NEGR1: variants seen among roughly 807,000 people sequenced by gnomAD.
The protein encoded by NEGR1 is neuronal growth regulator 1, also known as IgLON family member 4.
In NEGR1, 10 loss-of-function variants were observed where a neutral mutation model predicts 40.9. That is an observed-to-expected ratio of 0.24 (90% confidence interval 0.15 to 0.42). NEGR1 has a LOEUF of 0.42. Ranked by LOEUF, NEGR1 falls within the 10% of genes least tolerant of loss-of-function variation. The probability of loss-of-function intolerance (pLI) is 1.00; values close to 1 mark genes in which losing one functional copy is unlikely to be tolerated. For synonymous variants in NEGR1, 185 were observed against 166.8 expected, an observed-to-expected ratio of 1.11 and a Z score of -0.84; for missense variants, 352 against 438.9, an observed-to-expected ratio of 0.80 and a Z score of 1.77.
At chr1:71,532,324 T>C (rs1647381130) in intron 6 of NEGR1, among the ~76,000 whole-genome samples, 2 of 151,550 alleles carry the variant, frequency 1.3e-5, no homozygotes, top group Admixed American at 1.3e-4. Context: ...GTGGCTGAAT[T>C]AGGAACAATC....
At chr1:71,557,616 T>C (rs1570028305) in intron 6 of NEGR1, among the ~76,000 whole-genome samples, 3 of 151,722 alleles carry the variant, frequency 2.0e-5, no homozygotes, top group South Asian at 2.1e-4. Flanking sequence ...TTTAGACTTA[T>C]GGAGAAACTG....
intron 1 of NEGR1, among the ~76,000 whole-genome samples, chr1:72,135,424 A>C (rs1387424167): frequency 9.3e-4 from 2 of 2,154 alleles, no homozygotes; most frequent in Non-Finnish European, 6.4e-3. Flanking sequence ...AACAAAACCA[A>C]AAAAAAAAAA....
chr1:71,996,339 T>A (rs1646504585), intron 1 of NEGR1, among the ~76,000 whole-genome samples: 1 of 152,162 alleles, frequency 6.6e-6, no homozygotes, highest in African/African-American at 2.4e-5. Flanking sequence ...CAAGTTAGGA[T>A]CATATGCTAC....
intron 6 of NEGR1, among the ~76,000 whole-genome samples, chr1:71,549,780 T>A (rs1648016822): frequency 6.6e-6 from 1 of 151,632 alleles, no homozygotes; most frequent in Admixed American, 6.6e-5. Flanking sequence ...TTTCATGGAT[T>A]CTTTCAAATA....
At chr1:71,475,701 A>C (rs1569919428) in intron 6 of NEGR1, among the ~76,000 whole-genome samples, 1 of 152,152 alleles carries the variant, frequency 6.6e-6, no homozygotes, top group South Asian at 2.1e-4. Context: ...ATTCCTAAGA[A>C]GGTCGTTAGG....
At chr1:72,078,361 C>T (rs115016600) in intron 1 of NEGR1, among the ~76,000 whole-genome samples, 3,774 of 152,038 alleles carry the variant, frequency 0.025, 151 homozygotes, top group African/African-American at 0.086. Flanking sequence ...AACCTTTTAC[C>T]TTTGAGCTAA....
intron 1 of NEGR1, among the ~76,000 whole-genome samples, chr1:72,095,524 C>G (rs1281642841): frequency 6.6e-6 from 1 of 152,060 alleles, no homozygotes; most frequent in East Asian, 1.9e-4. Flanking sequence ...GTCCTCTACT[C>G]CTTGTTATAA....
intron 2 of NEGR1, among the ~76,000 whole-genome samples, chr1:71,873,251 T>C (rs928796617): frequency 6.6e-6 from 1 of 151,454 alleles, no homozygotes; most frequent in Non-Finnish European, 1.5e-5. Context: ...TTGGAAAACA[T>C]ATGTAAATAT....
rs535389849 is a variant in NEGR1, at chr1:71,750,017, C to T, written c.535+26155G>A. Reference sequence around the variant, plus strand: ...TTTTTTTTTTTTTGAGACGGAGTCTCGCTCTGTCGCCCAGGCCGGACTGCG... The same window carrying T: ...TTTTTTTTTTTTTGAGACGGAGTCTTGCTCTGTCGCCCAGGCCGGACTGCG... On this transcript the variant is annotated intron_variant, in intron 3 of 6. Coordinates refer to ENST00000357731, the MANE Select transcript of NEGR1 (RefSeq NM_173808.3). Among the ~76,000 whole-genome samples, 403 of 124,572 alleles carry T rather than the reference C, an allele frequency of 3.2e-3. 3 individuals are homozygous for T. The highest frequency in any genetic ancestry group is 0.021 in the Admixed American group (272 of 12,976). The allele number at this position is 124,572 out of a possible 152,430, so 81.7% of individuals were successfully genotyped here. A position where few individuals can be genotyped will look rare whatever the true frequency, so the allele number is the denominator to read the frequency against.
intron 4 of NEGR1, among the ~76,000 whole-genome samples, chr1:71,633,828 A>C (rs1057221872): frequency 2.6e-5 from 4 of 152,046 alleles, no homozygotes; most frequent in African/African-American, 9.7e-5. Context: ...AGTTGTACAA[A>C]AGCACGCAGC....
intron 1 of NEGR1, among the ~76,000 whole-genome samples, chr1:72,177,431 C>CA (rs1223320388): frequency 1.3e-5 from 2 of 151,948 alleles, no homozygotes; most frequent in Non-Finnish European, 2.9e-5. Flanking sequence ...TATTACTGAA[C>CA]ATTTATTTCA....
intron 6 of NEGR1, among the ~76,000 whole-genome samples, chr1:71,576,056 T>G (rs1203562226): frequency 6.6e-6 from 1 of 152,104 alleles, no homozygotes; most frequent in Non-Finnish European, 1.5e-5. Flanking sequence ...TCATGGAGCA[T>G]AGTGTCCAAG....
At chr1:72,008,349 A>G (rs1646627310) in intron 1 of NEGR1, among the ~76,000 whole-genome samples, 1 of 152,146 alleles carries the variant, frequency 6.6e-6, no homozygotes, top group African/African-American at 2.4e-5. Flanking sequence ...AGGTTTTTCT[A>G]TCTAATAAAA....
intron 6 of NEGR1, among the ~76,000 whole-genome samples, chr1:71,425,744 G>A (rs928080076): frequency 1.3e-5 from 2 of 152,020 alleles, no homozygotes; most frequent in African/African-American, 4.8e-5. Flanking sequence ...TAACTCTTTT[G>A]TGGTCAAATA....
chr1:71,679,571 T>C (rs190150166), intron 4 of NEGR1, among the ~76,000 whole-genome samples: 77 of 152,216 alleles, frequency 5.1e-4, no homozygotes, highest in African/African-American at 1.8e-3. Context: ...TTTTTTTTGG[T>C]TTTACAGTAC....
intron 3 of NEGR1, among the ~76,000 whole-genome samples, chr1:71,723,568 C>T (rs1326835192): frequency 2.0e-5 from 3 of 152,082 alleles, no homozygotes. Context: ...ATCCACATGC[C>T]AGGACTGTGG....
At chr1:71,956,499 A>G (rs1646120628) in intron 1 of NEGR1, among the ~76,000 whole-genome samples, 1 of 152,130 alleles carries the variant, frequency 6.6e-6, no homozygotes, top group Non-Finnish European at 1.5e-5. Context: ...GAGAGAGAAC[A>G]CTTTCCATAC....
intron 1 of NEGR1, among the ~76,000 whole-genome samples, chr1:72,088,897 G>T (rs971557179): frequency 1.4e-5 from 2 of 138,518 alleles, no homozygotes; most frequent in East Asian, 5.0e-4. Flanking sequence ...TGCAACCTCC[G>T]CATCCGGGTT....
At chr1:71,532,194 A>C (rs1470412115) in intron 6 of NEGR1, among the ~76,000 whole-genome samples, 1 of 151,584 alleles carries the variant, frequency 6.6e-6, no homozygotes, top group Non-Finnish European at 1.5e-5. Context: ...TAACGAGAAA[A>C]AGGTTGTTTC....
Sources: allele counts gnomAD v4.1 joint callset (sites outside exome capture counted in the v4.1 genomes callset), GRCh38; gene constraint gnomAD v4.1.1; transcripts MANE v1.5; gene names NCBI Gene and HGNC (gene_info 2026-07-23, HGNC 2026-07-21).